Variants in OSBPL3 observed in about 807,000 individuals in gnomAD.
OSBPL3 encodes oxysterol-binding protein-related protein 3.
Under a neutral mutation model 120.1 loss-of-function variants are expected in OSBPL3, and 65 were observed. The ratio of observed to expected loss-of-function variants is 0.54; its 90% confidence interval spans 0.44 to 0.67. The LOEUF is 0.67. OSBPL3 is among the 30% of genes least tolerant of loss of function. The pLI, the probability that OSBPL3 is intolerant of heterozygous loss-of-function variation, is 0.00. For synonymous variants in OSBPL3, 416 were observed against 402.6 expected (o/e 1.03, Z -0.40); for missense variants, 1,004 against 1,082.1 (o/e 0.93, Z 1.01).
intron 1 of OSBPL3, among the ~76,000 whole-genome samples, chr7:24,977,875 G>A (rs1357616529): frequency 2.0e-5 from 3 of 152,166 alleles, no homozygotes; most frequent in Non-Finnish European, 4.4e-5. Flanking sequence ...AAAGAAAAAA[G>A]AAAATTACAG....
rs948784771 is a variant in OSBPL3 at position 24,866,307 on chromosome 7, T to C, written c.382-70A>G. The C allele has an allele frequency of 8.9e-6, 10 of 1,117,838 alleles. No individual in the cohort carries two copies. The Admixed American group carries it at 1.5e-4, about 16-fold the overall frequency. 69.2% of individuals were successfully genotyped at this position (1,117,838 alleles called of 1,614,324 possible). The stretch of plus-strand genomic sequence containing the variant: ...CTGGAAGGAACAATTACTCATCAAA[T>C]TGAGGCCACTCTCAAAATCCTCTTT... On this transcript the variant is annotated intron_variant, in intron 5 of 22. Transcript: ENST00000313367.
In OSBPL3 at chr7:24,825,266, G is replaced by T. The variant is rs568221542; in HGVS notation, c.1885-5028C>A. On this transcript the variant is annotated intron_variant, in intron 16 of 22. Coordinates refer to ENST00000313367, the MANE Select transcript of OSBPL3 (RefSeq NM_015550.4). ...TAGGTGACCAGCATCACATGGGAGA[G>T]AAAGTGAAAATGGCTGGCTGTAGAA... is the stretch of plus-strand genomic sequence containing the variant. Among the ~76,000 whole-genome samples the T allele has an allele frequency of 2.6e-5, 4 of 152,330 alleles. No homozygotes were observed. The South Asian group carries it at 8.3e-4, about 32-fold the overall frequency.
rs546455821 is a variant in OSBPL3 at position 24,900,884 on chromosome 7, G to C, written c.-149-8263C>G. Reference sequence around the variant, plus strand: ...CCTAATACAAAAATTAGCTAGGCGTGCTAGTGCACACCTGTAGTATCAGCT... The same window carrying C: ...CCTAATACAAAAATTAGCTAGGCGTCCTAGTGCACACCTGTAGTATCAGCT... On this transcript the variant is annotated intron_variant, in intron 1 of 22. Transcript: ENST00000313367. This position sits in a 1 kb window ranked among gnomAD's most constrained non-coding sequence, Gnocchi z 4.5. 4.1e-4 allele frequency among the ~76,000 whole-genome samples: 63 copies of C among 152,320 alleles called. 1 individual carries two copies. In the South Asian group the frequency reaches 0.011, roughly 28 times the overall value.
intron 1 of OSBPL3, among the ~76,000 whole-genome samples, chr7:24,903,385 G>T (rs1807354769): frequency 6.6e-6 from 1 of 152,250 alleles, no homozygotes; most frequent in African/African-American, 2.4e-5. Flanking sequence ...GGCCAATGTT[G>T]CTTACTACTA....
At chr7:24,963,479 G>A (rs1309931193) in intron 1 of OSBPL3, among the ~76,000 whole-genome samples, 2 of 152,066 alleles carry the variant, frequency 1.3e-5, no homozygotes, top group African/African-American at 4.8e-5. Flanking sequence ...CCAAGAATCC[G>A]GCCAACCCAC....
intron 7 of OSBPL3, 51 bp downstream of exon 7, chr7:24,865,291 C>G: frequency 6.3e-7 from 1 of 1,591,354 alleles, no homozygotes; most frequent in East Asian, 2.2e-5. Context: ...AACATCAAAC[C>G]AGTATCATCT....
At position 24,820,335 on chromosome 7, in the gene OSBPL3, CAATGCTGA is replaced by C; in HGVS notation, c.1885-105_1885-98del. ...CCCTGCACTGAGATGTAACAGCGTG[CAATGCTGA>C]ACTGAAGGAAAAACTTCTTTAGTTT... On this transcript the variant is annotated intron_variant, in intron 16 of 22. Coordinates refer to ENST00000313367, the MANE Select transcript of OSBPL3 (RefSeq NM_015550.4). The surrounding 1 kb of genome is among the most constrained non-coding windows in gnomAD (Gnocchi z 4.6). 2.3e-6 allele frequency: 2 copies of C among 865,528 alleles called. No homozygotes were observed. Among genetic ancestry groups the C allele is most frequent in the East Asian group, 5.4e-5 (2 of 37,036 alleles). 53.6% of individuals were successfully genotyped at this position (865,528 alleles called of 1,614,324 possible).
chr7:24,979,721 C>T (rs60689900), intron 1 of OSBPL3, among the ~76,000 whole-genome samples, 165 bp downstream of exon 1: 1 of 152,074 alleles, frequency 6.6e-6, no homozygotes, highest in African/African-American at 2.4e-5. Context: ...CCCAAGCTCC[C>T]AGGCTTGGGT....
At position 24,922,283 on chromosome 7, in the gene OSBPL3, G is replaced by C. The variant is rs1810483896; in HGVS notation, c.-149-29662C>G. On this transcript the variant is annotated intron_variant, in intron 1 of 22. Transcript: ENST00000313367. The surrounding 1 kb of genome is among the most constrained non-coding windows in gnomAD (Gnocchi z 4.3). ...AAAGTCCTAGAAGGGCACAGTGAGGGGGACTGGGGAGAGCACAAACTTTCG... is the reference window on the plus strand; with the variant it reads ...AAAGTCCTAGAAGGGCACAGTGAGGCGGACTGGGGAGAGCACAAACTTTCG... 1.3e-5 allele frequency among the ~76,000 whole-genome samples: 2 copies of C among 152,204 alleles called. No homozygotes were observed. Among genetic ancestry groups the C allele is most frequent in the South Asian group, 2.1e-4 (1 of 4,822 alleles).
intron 6 of OSBPL3, 100 bp downstream of exon 6, chr7:24,865,970 C>A (rs1208748443): frequency 7.9e-6 from 7 of 888,458 alleles, no homozygotes; most frequent in Non-Finnish European, 1.1e-5. Flanking sequence ...CCTGCTTGTC[C>A]CCGAAAACTT....
At chr7:24,807,449 C>T (rs904268207) in intron 20 of OSBPL3, among the ~76,000 whole-genome samples, 7 of 152,000 alleles carry the variant, frequency 4.6e-5, no homozygotes, top group African/African-American at 1.2e-4. Context: ...GCCAAGATCA[C>T]GCCACTGCAT....
Position 24,849,800 on chromosome 7 carries a change from CA to C in OSBPL3, c.1159-625del, listed in dbSNP as rs1299860632. The stretch of plus-strand genomic sequence containing the variant: ...GAAACCCCATCTCTACCAAAAAATG[CA>C]AAAATTAGTTGGGCATGGTGGCACA... On this transcript the variant is annotated intron_variant, in intron 11 of 22. Coordinates refer to ENST00000313367, the MANE Select transcript of OSBPL3 (RefSeq NM_015550.4). This position sits in a 1 kb window ranked among gnomAD's most constrained non-coding sequence, Gnocchi z 5.4. Among the ~76,000 whole-genome samples the C allele has an allele frequency of 1.3e-5, 2 of 151,712 alleles. No homozygotes were observed. The highest frequency in any genetic ancestry group is 2.9e-5 in the Non-Finnish European group (2 of 67,922).
chr7:24,810,818 C>T (rs946471182), intron 19 of OSBPL3, among the ~76,000 whole-genome samples: 3 of 152,156 alleles, frequency 2.0e-5, no homozygotes, highest in Non-Finnish European at 2.9e-5. Flanking sequence ...TGTCACTTAT[C>T]CTCCAGGTTC....
At chr7:24,919,103 G>A (rs1372875732) in intron 1 of OSBPL3, among the ~76,000 whole-genome samples, 3 of 152,108 alleles carry the variant, frequency 2.0e-5, no homozygotes, top group Non-Finnish European at 4.4e-5. Flanking sequence ...ATCTGAAAAT[G>A]AATTCATGGC....
Position 24,866,151 on chromosome 7 carries a change from T to A in OSBPL3, c.468A>T (p.Pro156=), listed in dbSNP as rs113523364. Residue 156 remains proline, a synonymous_variant, in exon 6 of 23, where the codon CCA becomes CCT. Coordinates refer to ENST00000313367, the MANE Select transcript of OSBPL3 (RefSeq NM_015550.4). ...CTGAGAAAAAGTGGTTAACTTCATG[T>A]GGAAACATGGCAATTTCATTCTGAC... is the stretch of plus-strand genomic sequence containing the variant. ...MYRQNEIAMF[P]HEVNHFFSGS... 6 of 1,613,082 alleles carry A rather than the reference T, an allele frequency of 3.7e-6. No homozygotes were observed. In the African/African-American group the frequency reaches 6.7e-5, roughly 18 times the overall value.
In OSBPL3 at chr7:24,922,436, G is replaced by T. The variant is rs10242072; in HGVS notation, c.-149-29815C>A. Reference sequence around the variant, plus strand: ...ATTGTATGGCTGAGTGACCAGCGTGGGAGGGAAATTAAGTTTTCGGTGGAT... The same window carrying T: ...ATTGTATGGCTGAGTGACCAGCGTGTGAGGGAAATTAAGTTTTCGGTGGAT... On this transcript the variant is annotated intron_variant, in intron 1 of 22. Coordinates refer to ENST00000313367, the MANE Select transcript of OSBPL3 (RefSeq NM_015550.4). The surrounding 1 kb of genome is among the most constrained non-coding windows in gnomAD (Gnocchi z 4.3). 5.3e-5 allele frequency among the ~76,000 whole-genome samples: 8 copies of T among 152,036 alleles called. No individual in the cohort carries two copies. In the South Asian group the frequency reaches 8.3e-4, roughly 16 times the overall value.
chr7:24,962,520 C>G (rs1815908002), intron 1 of OSBPL3, among the ~76,000 whole-genome samples: 1 of 150,490 alleles, frequency 6.6e-6, no homozygotes, highest in African/African-American at 2.5e-5. Context: ...TGGCCAGTAA[C>G]AGCCCTGACA....
rs1276126031 is a variant in OSBPL3, at chr7:24,797,710, C to T, written c.*2473G>A. 1 of 151,552 alleles carries T rather than the reference C, an allele frequency of 6.6e-6. No individual in the cohort carries two copies. Among genetic ancestry groups the T allele is most frequent in the Non-Finnish European group, 1.5e-5 (1 of 67,948 alleles). 9.4% of individuals were successfully genotyped at this position (151,552 alleles called of 1,614,324 possible). ...TTTCCAAAAATTTCTGTGTAATTCA[C>T]CAGAAATTTTGGATGGAATAATTAG... On this transcript the variant is annotated 3_prime_UTR_variant, in exon 23 of 23. Coordinates refer to ENST00000313367, the MANE Select transcript of OSBPL3 (RefSeq NM_015550.4). This position sits in a 1 kb window ranked among gnomAD's most constrained non-coding sequence, Gnocchi z 4.8.
At chr7:24,886,448 C>T (rs941782857) in intron 2 of OSBPL3, among the ~76,000 whole-genome samples, 1 of 152,224 alleles carries the variant, frequency 6.6e-6, no homozygotes, top group Non-Finnish European at 1.5e-5. Context: ...CATTTTATTA[C>T]AGATCCTCAC....
Sources: gnomAD v4.1 joint callset for allele counts (sites outside exome capture counted in the v4.1 genomes callset) on GRCh38, gnomAD v4.1.1 for gene constraint, Gnocchi (gnomAD v3.1) non-coding constraint, MANE v1.5 for transcripts, NCBI Gene and HGNC (gene_info 2026-07-23, HGNC 2026-07-21) for gene names.